MAP3K20: variants seen among roughly 807,000 people sequenced by gnomAD.
The protein encoded by MAP3K20 is mitogen-activated protein kinase kinase kinase 20.
A neutral mutation model predicts 85.7 loss-of-function variants in MAP3K20; 40 were observed. That is an observed-to-expected ratio of 0.47 (90% CI 0.36 to 0.61). The LOEUF (loss-of-function observed/expected upper bound fraction) is 0.61. Among genes scored for constraint, MAP3K20 ranks in the 20% least tolerant of loss-of-function variants. MAP3K20 has a pLI of 0.00. For synonymous variants in MAP3K20, 325 were observed against 327.7 expected, an observed-to-expected ratio of 0.99 and a Z score of 0.09; for missense variants, 817 against 961.7, an observed-to-expected ratio of 0.85 and a Z score of 1.99.
intron 2 of MAP3K20, among the ~76,000 whole-genome samples, chr2:173,103,347 C>G (rs188097182): frequency 2.0e-5 from 3 of 152,176 alleles, no homozygotes; most frequent in Non-Finnish European, 4.4e-5. Context: ...ATCAGTGAGG[C>G]TCTGTGGGAA....
At chr2:173,223,060 C>T in intron 11 of MAP3K20, 2 of 985,390 alleles carry the variant, frequency 2.0e-6, no homozygotes, top group Non-Finnish European at 2.4e-6. Flanking sequence ...TATATTTGAT[C>T]ATTAAAAGCC....
At chr2:173,259,122 G>A (rs756064919) in intron 17 of MAP3K20, among the ~76,000 whole-genome samples, 5 of 151,964 alleles carry the variant, frequency 3.3e-5, no homozygotes, top group Admixed American at 1.3e-4. Context: ...AAATGTGAAC[G>A]ATGAAAATAT....
chr2:173,144,636 T>A (rs11885351), intron 2 of MAP3K20, among the ~76,000 whole-genome samples: 41,320 of 151,612 alleles, frequency 0.27, 6,006 homozygotes, highest in African/African-American at 0.36. Context: ...AGTTCAAAGC[T>A]ACAGTGAGCC....
intron 1 of MAP3K20, among the ~76,000 whole-genome samples, chr2:173,078,536 T>C (rs978671255): frequency 3.3e-5 from 5 of 152,200 alleles, no homozygotes; most frequent in African/African-American, 1.2e-4. Flanking sequence ...CTATGAATGC[T>C]AGAGCTTAGA....
intron 7 of MAP3K20, among the ~76,000 whole-genome samples, chr2:173,192,097 C>G (rs549085919): frequency 1.6e-4 from 20 of 126,930 alleles, no homozygotes; most frequent in Admixed American, 4.3e-4. Context: ...TATTATACTG[C>G]CCTGCTGTTT....
At chr2:173,192,345 T>C in intron 7 of MAP3K20, among the ~76,000 whole-genome samples, 1 of 152,208 alleles carries the variant, frequency 6.6e-6, no homozygotes, top group Admixed American at 6.5e-5. Context: ...TTTCAGTGAC[T>C]AGCTTTTTGT....
intron 2 of MAP3K20, among the ~76,000 whole-genome samples, chr2:173,121,076 C>T (rs188629612): frequency 2.5e-4 from 38 of 152,190 alleles, no homozygotes; most frequent in Admixed American, 1.8e-3. Flanking sequence ...GCCAGTGGTC[C>T]GTGATTCAAG....
At chr2:173,192,760 T>C (rs1251137740) in intron 7 of MAP3K20, among the ~76,000 whole-genome samples, 1 of 152,192 alleles carries the variant, frequency 6.6e-6, no homozygotes, top group East Asian at 1.9e-4. Flanking sequence ...TGAAAGTGCA[T>C]TCCTTCATTT....
At chr2:173,223,340 T>C in intron 11 of MAP3K20, 3 of 880,668 alleles carry the variant, frequency 3.4e-6, no homozygotes, top group Non-Finnish European at 4.1e-6. Context: ...AGCGTGGGAA[T>C]AATAACAGTA....
intron 2 of MAP3K20, among the ~76,000 whole-genome samples, chr2:173,109,356 TGGTGATTATAAAGG>T (rs964057168): frequency 6.6e-6 from 1 of 152,202 alleles, no homozygotes; most frequent in African/African-American, 2.4e-5. Context: ...TCTCCACATC[TGGTGATTATAAAGG>T]GGAGAAATCT....
At chr2:173,083,472 G>A (rs1687065122) in intron 1 of MAP3K20, among the ~76,000 whole-genome samples, 2 of 151,940 alleles carry the variant, frequency 1.3e-5, no homozygotes, top group African/African-American at 4.8e-5. Context: ...TCCTGCCTCA[G>A]CCTTGCAGAG....
chr2:173,167,114 A>C (rs1266870404), intron 2 of MAP3K20, among the ~76,000 whole-genome samples: 1 of 151,540 alleles, frequency 6.6e-6, no homozygotes, highest in African/African-American at 2.4e-5. Context: ...ACGGGGTTTC[A>C]CCATATTAGC....
At chr2:173,089,010 T>C (rs1194259037) in intron 1 of MAP3K20, among the ~76,000 whole-genome samples, 6 of 152,210 alleles carry the variant, frequency 3.9e-5, no homozygotes. Context: ...TGACTTCATG[T>C]GAGAAATCAG....
At chr2:173,238,829 CAT>C (rs2106337133) in intron 15 of MAP3K20, among the ~76,000 whole-genome samples, 2 of 152,318 alleles carry the variant, frequency 1.3e-5, no homozygotes, top group South Asian at 2.1e-4. Flanking sequence ...GTTTGAATAA[CAT>C]ATTAGTATAC....
At chr2:173,220,480 AT>A (rs1281530816) in intron 11 of MAP3K20, among the ~76,000 whole-genome samples, 6 of 151,930 alleles carry the variant, frequency 3.9e-5, no homozygotes, top group Non-Finnish European at 4.4e-5. Flanking sequence ...TCTAACTTAA[AT>A]GTGAGACAGA....
At chr2:173,200,599 A>G (rs1424146383) in intron 8 of MAP3K20, among the ~76,000 whole-genome samples, 1 of 152,152 alleles carries the variant, frequency 6.6e-6, no homozygotes, top group Admixed American at 6.6e-5. Context: ...TTTTGAAATA[A>G]TTATAGATTC....
At chr2:173,114,555 C>A (rs1354317364) in intron 2 of MAP3K20, among the ~76,000 whole-genome samples, 16 of 152,096 alleles carry the variant, frequency 1.1e-4, no homozygotes, top group Admixed American at 9.8e-4. Context: ...GGATTTGTTT[C>A]GAGATTTACA....
At chr2:173,225,031 T>C (rs1407703581) in intron 11 of MAP3K20, 1 of 984,120 alleles carries the variant, frequency 1.0e-6, no homozygotes, top group East Asian at 1.1e-4. Context: ...ATTGAATCTC[T>C]CAGTTGTGGG....
At chr2:173,091,646 C>T (rs1687303659) in intron 2 of MAP3K20, among the ~76,000 whole-genome samples, 1 of 152,100 alleles carries the variant, frequency 6.6e-6, no homozygotes, top group Non-Finnish European at 1.5e-5. Flanking sequence ...CTGAAATATG[C>T]AGTACCTGTT....
Sources: allele counts gnomAD v4.1 joint callset (sites outside exome capture counted in the v4.1 genomes callset), GRCh38; gene constraint gnomAD v4.1.1; transcripts MANE v1.5; gene names NCBI Gene and HGNC (gene_info 2026-07-23, HGNC 2026-07-21).